Variants in ADK observed in about 807,000 individuals in gnomAD.
ADK encodes the protein N6,N6-dimethyladenosine kinase.
In ADK, 24 loss-of-function variants were observed where a neutral mutation model predicts 44.7. That is an observed-to-expected ratio of 0.54 (90% CI 0.39 to 0.76). The LOEUF (loss-of-function observed/expected upper bound fraction) is 0.76, where lower values mean the gene tolerates loss of function less well. ADK is among the 30% of genes least tolerant of loss of function. The pLI is 0.00. For missense variants in ADK, 321 were observed against 425.1 expected (o/e 0.76, Z 2.15); for synonymous variants, 128 against 142.6 (o/e 0.90, Z 0.73).
At chr10:74,626,956 G>A (rs774548340) in intron 9 of ADK, among the ~76,000 whole-genome samples, 27 of 152,046 alleles carry the variant, frequency 1.8e-4, no homozygotes, top group Non-Finnish European at 3.1e-4. Flanking sequence ...TTGGTTTTCT[G>A]TTTCTTGTAG....
At chr10:74,487,775 G>A (rs1269684791) in intron 6 of ADK, among the ~76,000 whole-genome samples, 2 of 151,902 alleles carry the variant, frequency 1.3e-5, no homozygotes, top group African/African-American at 2.4e-5. Flanking sequence ...CAAAGTATCA[G>A]GCTTTAAATA....
At chr10:74,687,662 A>T (rs1172867992) in intron 10 of ADK, among the ~76,000 whole-genome samples, 1 of 152,228 alleles carries the variant, frequency 6.6e-6, no homozygotes, top group Non-Finnish European at 1.5e-5. Flanking sequence ...ATCATACAAT[A>T]CATGGAACAT....
At chr10:74,541,795 C>CCG (rs1491537045) in intron 7 of ADK, among the ~76,000 whole-genome samples, 5 of 19,338 alleles carry the variant, frequency 2.6e-4, no homozygotes, top group Non-Finnish European at 4.4e-4. Flanking sequence ...CCCCCACACA[C>CCG]CCCCCCCCCC....
intron 6 of ADK, among the ~76,000 whole-genome samples, chr10:74,522,524 A>T (rs1848876080): frequency 6.6e-6 from 1 of 152,200 alleles, no homozygotes; most frequent in Admixed American, 6.5e-5. Context: ...GTATAAAGGC[A>T]ATAAACCCTT....
intron 8 of ADK, among the ~76,000 whole-genome samples, chr10:74,594,915 C>G (rs1429693438): frequency 6.6e-6 from 1 of 152,108 alleles, no homozygotes; most frequent in East Asian, 1.9e-4. Flanking sequence ...GGCTCCCACG[C>G]CTGTAATCCC....
intron 6 of ADK, among the ~76,000 whole-genome samples, chr10:74,509,196 A>ATT (rs11431842): frequency 0.027 from 3,855 of 144,664 alleles, 154 homozygotes; most frequent in African/African-American, 0.08. Context: ...ATACATTATG[A>ATT]TTTTTTTTTT....
chr10:74,266,067 A>G (rs1054439343), intron 3 of ADK, among the ~76,000 whole-genome samples: 1 of 152,186 alleles, frequency 6.6e-6, no homozygotes, highest in African/African-American at 2.4e-5. Flanking sequence ...GTGTATGTAT[A>G]TATAAATGAG....
At chr10:74,701,669 G>C (rs1168884542) in intron 10 of ADK, among the ~76,000 whole-genome samples, 1 of 152,226 alleles carries the variant, frequency 6.6e-6, no homozygotes, top group Non-Finnish European at 1.5e-5. Context: ...TGTGGGCCAA[G>C]CATGGTGTCT....
At chr10:74,519,918 T>C (rs2133584655) in intron 6 of ADK, among the ~76,000 whole-genome samples, 2 of 152,082 alleles carry the variant, frequency 1.3e-5, no homozygotes, top group Middle Eastern at 6.8e-3. Flanking sequence ...TTACTTTTAC[T>C]ATAGCAAATA....
rs1855117384 is a variant in ADK at position 74,670,173 on chromosome 10, C to G, written c.878-10C>G. The G allele has an allele frequency of 6.2e-7, 1 of 1,611,902 alleles. No individual in the cohort carries two copies. Among genetic ancestry groups the G allele is most frequent in the Non-Finnish European group, 8.5e-7 (1 of 1,178,166 alleles). ...GAAGTCATTCTGCCTTTCTTTGGCT[C>G]TAATTGCAGAAAGTGAAGTCACTGC... On this transcript the variant is annotated splice_polypyrimidine_tract_variant and intron_variant, in intron 9 of 10. Transcript: ENST00000539909.
chr10:74,597,104 C>A (rs1021997266), intron 8 of ADK, among the ~76,000 whole-genome samples: 5 of 152,136 alleles, frequency 3.3e-5, no homozygotes, highest in African/African-American at 1.2e-4. Context: ...GATTTTGGGG[C>A]AACCTAAGTA....
At chr10:74,501,902 G>T (rs1847898113) in intron 6 of ADK, among the ~76,000 whole-genome samples, 1 of 152,080 alleles carries the variant, frequency 6.6e-6, no homozygotes, top group Admixed American at 6.6e-5. Flanking sequence ...TCTTCTTGGG[G>T]TGCTAAAAAT....
intron 2 of ADK, among the ~76,000 whole-genome samples, chr10:74,222,194 G>C (rs1157756193): frequency 6.6e-6 from 1 of 152,048 alleles, no homozygotes; most frequent in African/African-American, 2.4e-5. Context: ...TCAAAAAGTG[G>C]GTGAAGGACA....
intron 9 of ADK, among the ~76,000 whole-genome samples, chr10:74,658,677 T>A (rs1003640001): frequency 1.3e-5 from 2 of 152,022 alleles, no homozygotes; most frequent in African/African-American, 4.8e-5. Flanking sequence ...GATTCTCCTG[T>A]CTCAGCCTCC....
intron 6 of ADK, among the ~76,000 whole-genome samples, chr10:74,466,016 T>G (rs1846342485): frequency 6.6e-6 from 1 of 152,144 alleles, no homozygotes; most frequent in African/African-American, 2.4e-5. Context: ...TTAAAATTTA[T>G]TTTCTTACCT....
intron 7 of ADK, chr10:74,527,897 G>A: frequency 1.2e-6 from 1 of 827,436 alleles, no homozygotes; most frequent in East Asian, 2.4e-5. Flanking sequence ...GGCAAGAGAA[G>A]GATTGTGAAA....
At chr10:74,480,181 G>A (rs1197205770) in intron 6 of ADK, among the ~76,000 whole-genome samples, 3 of 147,192 alleles carry the variant, frequency 2.0e-5, no homozygotes, top group African/African-American at 7.5e-5. Flanking sequence ...TTTGTGTTTT[G>A]CTCTTGAAGT....
chr10:74,571,023 T>G (rs904463085), intron 7 of ADK, among the ~76,000 whole-genome samples: 23 of 152,260 alleles, frequency 1.5e-4, no homozygotes, highest in Non-Finnish European at 3.2e-4. Flanking sequence ...ATCAAAGGCC[T>G]TTTCTGCATC....
At chr10:74,318,930 C>T (rs1464921449) in intron 4 of ADK, among the ~76,000 whole-genome samples, 1 of 152,148 alleles carries the variant, frequency 6.6e-6, no homozygotes, top group Non-Finnish European at 1.5e-5. Context: ...TGTCATTGCA[C>T]TGGACTGACA....
Sources: gnomAD v4.1 joint callset for allele counts (sites outside exome capture counted in the v4.1 genomes callset) on GRCh38, gnomAD v4.1.1 for gene constraint, MANE v1.5 for transcripts, NCBI Gene and HGNC (gene_info 2026-07-23, HGNC 2026-07-21) for gene names.